Variants in KDM4B observed in about 807,000 individuals in gnomAD.
KDM4B encodes the protein lysine-specific demethylase 4B.
KDM4B carries 32 observed loss-of-function variants against 125.2 expected under a neutral mutation model. That is an observed-to-expected ratio of 0.26 (90% CI 0.19 to 0.34). The LOEUF is 0.34. KDM4B is among the 10% of genes least tolerant of loss of function. KDM4B has a pLI of 1.00. For synonymous variants in KDM4B, 721 were observed against 677.9 expected (o/e 1.06, Z -0.99); for missense variants, 1,190 against 1,577.7 (o/e 0.75, Z 4.16).
chr19:4,974,867 C>T lies in KDM4B; in HGVS notation c.-109+5637C>T, dbSNP rs542127173. Among the ~76,000 whole-genome samples the T allele has an allele frequency of 2.6e-5, 4 of 152,164 alleles. No homozygotes were observed. In the East Asian group the frequency reaches 5.8e-4, roughly 22 times the overall value. On this transcript the variant is annotated intron_variant, in intron 1 of 22. Transcript: ENST00000159111. ...TTGGGAAAAATTCTGGGCCCTTTCG[C>T]GTGGCCCCTTCGCTCTGTCATCTGT...
chr19:5,123,208 C>G (rs1469009323), intron 11 of KDM4B, among the ~76,000 whole-genome samples: 1 of 152,228 alleles, frequency 6.6e-6, no homozygotes, highest in Non-Finnish European at 1.5e-5. Context: ...CACGGGGCTT[C>G]TCATATGCTG....
intron 1 of KDM4B, among the ~76,000 whole-genome samples, chr19:4,978,460 T>TCACGC (rs1345632667): frequency 1.7e-5 from 2 of 118,132 alleles, no homozygotes; most frequent in African/African-American, 3.4e-5. Flanking sequence ...TGAGCTGAGA[T>TCACGC]CACGCCACTG....
chr19:4,970,705 T>C (rs1231236793), intron 1 of KDM4B, among the ~76,000 whole-genome samples: 1 of 151,782 alleles, frequency 6.6e-6, no homozygotes, highest in East Asian at 1.9e-4. Context: ...GGAGGGTTTG[T>C]CAACACACGG....
Position 5,152,225 on chromosome 19 carries a change from G to A in KDM4B, c.*714G>A, listed in dbSNP as rs527272891. 6.6e-6 allele frequency: 1 copy of A among 152,376 alleles called. No homozygotes were observed. The highest frequency in any genetic ancestry group is 1.9e-4 in the East Asian group (1 of 5,170). The allele number at this position is 152,376 out of a possible 1,614,324, so 9.4% of individuals were successfully genotyped here. ...TGGTGCCAGTGCCTGTGCCCACTCT[G>A]TGCCTGCTGGGAGGAGGCCCAGGCT... is the stretch of plus-strand genomic sequence containing the variant. On this transcript the variant is annotated 3_prime_UTR_variant, in exon 23 of 23. Transcript: ENST00000159111.
chr19:5,015,470 T>C (rs2035863652), intron 1 of KDM4B, among the ~76,000 whole-genome samples: 1 of 152,124 alleles, frequency 6.6e-6, no homozygotes, highest in Non-Finnish European at 1.5e-5. Context: ...CAGGCTGGTC[T>C]TGAACCCCTG....
At chr19:5,006,495 G>A (rs1045469538) in intron 1 of KDM4B, among the ~76,000 whole-genome samples, 1 of 152,168 alleles carries the variant, frequency 6.6e-6, no homozygotes, top group African/African-American at 2.4e-5. Context: ...GAGTTAGGCC[G>A]GGTGCAGTGG....
intron 6 of KDM4B, among the ~76,000 whole-genome samples, chr19:5,065,643 C>T (rs1357988393): frequency 2.0e-5 from 3 of 152,226 alleles, no homozygotes; most frequent in South Asian, 2.1e-4. Context: ...GCCAGCGTGG[C>T]GGCGAGATGA....
rs765375450 is a variant in KDM4B at position 5,131,364 on chromosome 19, C to T, written c.1604C>T (p.Pro535Leu). The T allele has an allele frequency of 5.7e-5, 92 of 1,611,722 alleles. No individual in the cohort carries two copies. Among genetic ancestry groups the T allele is most frequent in the Middle Eastern group, 3.3e-4 (2 of 6,080 alleles). The change falls in exon 12 of 23, where the codon CCG (proline) becomes CTG (leucine). Residue 535 changes from proline to leucine, a missense_variant. By Grantham distance (98) the Pro-to-Leu change is moderately conservative (BLOSUM62 -3). Transcript: ENST00000159111. ...CCCATGCTGTACGTGGTGCCGCGGC[C>T]GGGCAAGGCAGCCTTCAACCAGGAG... ...IIPMLYVVPR[P>L]GKAAFNQEHV...
At chr19:4,974,343 A>G (rs1393308547) in intron 1 of KDM4B, among the ~76,000 whole-genome samples, 1 of 151,930 alleles carries the variant, frequency 6.6e-6, no homozygotes, top group African/African-American at 2.4e-5. Flanking sequence ...CGGAGCTTGC[A>G]GTGAGTTGAG....
chr19:5,086,495 T>C (rs113752536), intron 9 of KDM4B, among the ~76,000 whole-genome samples: 6,180 of 152,322 alleles, frequency 0.041, 191 homozygotes, highest in Non-Finnish European at 0.067. Flanking sequence ...CACTCTGGCA[T>C]GGAGGTGGCG....
Position 5,141,951 on chromosome 19 carries a change from C to T in KDM4B, c.2551-2016C>T, listed in dbSNP as rs528977613. Among the ~76,000 whole-genome samples the T allele has an allele frequency of 6.6e-6, 1 of 152,032 alleles. No individual in the cohort carries two copies. The highest frequency in any genetic ancestry group is 2.4e-5 in the African/African-American group (1 of 41,394). On this transcript the variant is annotated intron_variant, in intron 18 of 22. Coordinates refer to ENST00000159111, the MANE Select transcript of KDM4B (RefSeq NM_015015.3). This position sits in a 1 kb window ranked among gnomAD's most constrained non-coding sequence, Gnocchi z 6.4. ...CAGTCCTGCCTGGAGGGGTAGGGCT[C>T]GGTCAGGAGGGAGGGGCTCTCTGCT... is the stretch of plus-strand genomic sequence containing the variant.
At chr19:5,074,562 G>A (rs1428789368) in intron 7 of KDM4B, 1 of 152,276 alleles carries the variant, frequency 6.6e-6, no homozygotes, top group Admixed American at 6.5e-5. Flanking sequence ...CTTAAACTGT[G>A]CATTAAAAAG....
intron 2 of KDM4B, among the ~76,000 whole-genome samples, chr19:5,031,885 C>T (rs1476488198): frequency 6.6e-6 from 1 of 152,204 alleles, no homozygotes; most frequent in African/African-American, 2.4e-5. Flanking sequence ...GCCTTGTTTC[C>T]TTCACACTCT....
intron 10 of KDM4B, chr19:5,119,220 G>GT (rs1568308932): frequency 2.0e-6 from 3 of 1,526,640 alleles, no homozygotes; most frequent in African/African-American, 1.4e-5. Flanking sequence ...CGGGGCTGTC[G>GT]TAAGTGTCTT....
intron 11 of KDM4B, among the ~76,000 whole-genome samples, chr19:5,124,235 C>G (rs2039411587): frequency 6.6e-6 from 1 of 151,548 alleles, no homozygotes; most frequent in Non-Finnish European, 1.5e-5. Flanking sequence ...AGCTGGGACA[C>G]CGCCTTGATG....
intron 1 of KDM4B, among the ~76,000 whole-genome samples, chr19:5,015,247 G>A (rs2035856198): frequency 6.6e-6 from 1 of 151,838 alleles, no homozygotes. Flanking sequence ...GTCAGGTTGT[G>A]AAAGTCCTTT....
At chr19:4,987,290 C>T (rs928777483) in intron 1 of KDM4B, among the ~76,000 whole-genome samples, 5 of 152,216 alleles carry the variant, frequency 3.3e-5, no homozygotes, top group Non-Finnish European at 7.3e-5. Flanking sequence ...TTAGTTAAAA[C>T]CTGAGAGGCG....
At chr19:5,102,686 C>T (rs773988309) in intron 9 of KDM4B, among the ~76,000 whole-genome samples, 7 of 152,146 alleles carry the variant, frequency 4.6e-5, no homozygotes, top group Admixed American at 6.5e-5. Flanking sequence ...CTCCCTTCAC[C>T]GGCAATGGGC....
chr19:5,047,742 G>A (rs1311037437), intron 6 of KDM4B, 73 bp downstream of exon 6: 14 of 1,481,644 alleles, frequency 9.4e-6, no homozygotes, highest in African/African-American at 2.8e-5. Context: ...CCGGGTACAC[G>A]GCTGGGCGCC....
Sources: gnomAD v4.1 joint callset for allele counts (sites outside exome capture counted in the v4.1 genomes callset) on GRCh38, gnomAD v4.1.1 for gene constraint, Gnocchi (gnomAD v3.1) non-coding constraint, MANE v1.5 for transcripts, NCBI Gene and HGNC (gene_info 2026-07-23, HGNC 2026-07-21) for gene names.